Variants in DOCK5 observed in about 807,000 individuals in gnomAD.
DOCK5 encodes the protein dedicator of cytokinesis protein 5.
DOCK5 carries 142 observed loss-of-function variants against 251.8 expected under a neutral mutation model. The ratio of observed to expected loss-of-function variants is 0.56; its 90% CI spans 0.49 to 0.65. The LOEUF (loss-of-function observed/expected upper bound fraction) is 0.65, where lower values mean the gene tolerates loss of function less well. DOCK5 is among the 30% of genes least tolerant of loss of function. The probability of loss-of-function intolerance (pLI) is 0.00; values close to 1 mark genes in which losing one functional copy is unlikely to be tolerated. For synonymous variants in DOCK5, 842 were observed against 835.5 expected (o/e 1.01, Z -0.13); for missense variants, 2,111 against 2,312.3 (o/e 0.91, Z 1.79).
At chr8:25,307,003 A>G (rs1453268057) in intron 11 of DOCK5, among the ~76,000 whole-genome samples, 2 of 152,240 alleles carry the variant, frequency 1.3e-5, no homozygotes, top group African/African-American at 4.8e-5. Flanking sequence ...CAGTTGTAAC[A>G]CAGTGCTATT....
chr8:25,237,015 G>A (rs1449864928), intron 1 of DOCK5, among the ~76,000 whole-genome samples: 2 of 152,036 alleles, frequency 1.3e-5, no homozygotes, highest in Admixed American at 6.6e-5. Context: ...ATATAATGTA[G>A]CTATTCTTCA....
rs117028861 is a variant in DOCK5, at chr8:25,377,616, A to C, written c.3936+192A>C. Among the ~76,000 whole-genome samples, 16 of 152,338 alleles carry C rather than the reference A, an allele frequency of 1.1e-4. No homozygotes were observed. The East Asian group carries it at 3.1e-3, about 29-fold the overall frequency. Reference sequence around the variant, plus strand: ...CCCCAGTCCATTCACAGTTCTGGGCAACTGGGTATACATCTGGGGGGCTTC... The same window carrying C: ...CCCCAGTCCATTCACAGTTCTGGGCCACTGGGTATACATCTGGGGGGCTTC... On this transcript the variant is annotated intron_variant, in intron 38 of 51. Coordinates refer to ENST00000276440, the MANE Select transcript of DOCK5 (RefSeq NM_024940.8).
chr8:25,283,676 C>T (rs1446061868), intron 5 of DOCK5, among the ~76,000 whole-genome samples: 1 of 152,128 alleles, frequency 6.6e-6, no homozygotes, highest in Non-Finnish European at 1.5e-5. Context: ...TTCTGTATGG[C>T]CCCTTATCCA....
intron 1 of DOCK5, among the ~76,000 whole-genome samples, chr8:25,193,411 C>T (rs956243599): frequency 1.4e-5 from 2 of 148,096 alleles, no homozygotes; most frequent in Middle Eastern, 3.5e-3. Flanking sequence ...GGTACTTAGA[C>T]AGCACTGTAG....
chr8:25,368,278 A>C, intron 32 of DOCK5, 28 bp downstream of exon 32: 1 of 1,596,896 alleles, frequency 6.3e-7, no homozygotes, highest in South Asian at 1.1e-5. Flanking sequence ...AACAGGCCTG[A>C]TCACAACCTC....
chr8:25,373,801 A>C, intron 36 of DOCK5, 143 bp downstream of exon 36: 2 of 726,884 alleles, frequency 2.8e-6, no homozygotes, highest in Non-Finnish European at 4.5e-6. Context: ...ATTCACCCTG[A>C]ACCGACAAAC....
intron 21 of DOCK5, among the ~76,000 whole-genome samples, chr8:25,335,745 C>T (rs76883337): frequency 0.011 from 1,646 of 152,186 alleles, 12 homozygotes; most frequent in Non-Finnish European, 0.018. Flanking sequence ...TGCTTAGAAC[C>T]ATGAATGTTC....
chr8:25,409,868 T>C (rs1230950691), intron 50 of DOCK5: 4 of 412,668 alleles, frequency 9.7e-6, no homozygotes, highest in Non-Finnish European at 1.7e-5. Flanking sequence ...ATAAAAAAAA[T>C]AAAGTTTTTG....
At chr8:25,241,408 G>A (rs2117541732) in intron 1 of DOCK5, among the ~76,000 whole-genome samples, 1 of 152,140 alleles carries the variant, frequency 6.6e-6, no homozygotes, top group South Asian at 2.1e-4. Flanking sequence ...AACTCAGGAG[G>A]TGGAGGTTGC....
intron 1 of DOCK5, among the ~76,000 whole-genome samples, chr8:25,188,127 T>C (rs2117434183): frequency 6.6e-6 from 1 of 152,218 alleles, no homozygotes; most frequent in East Asian, 1.9e-4. Context: ...AGTTTTTTCC[T>C]CTTCTTTTTC....
At chr8:25,400,047 C>A in intron 46 of DOCK5, 53 bp downstream of exon 46, 2 of 1,435,982 alleles carry the variant, frequency 1.4e-6, no homozygotes, top group Non-Finnish European at 1.9e-6. Context: ...GTGGGACACC[C>A]ATTATTCTCC....
intron 22 of DOCK5, among the ~76,000 whole-genome samples, chr8:25,340,567 T>C (rs1805927158): frequency 1.3e-5 from 2 of 152,338 alleles, no homozygotes; most frequent in East Asian, 1.9e-4. Flanking sequence ...AAGGCAAGCA[T>C]GTATCAGCGA....
intron 1 of DOCK5, among the ~76,000 whole-genome samples, chr8:25,205,968 C>T (rs1801990465): frequency 6.6e-6 from 1 of 152,094 alleles, no homozygotes; most frequent in Non-Finnish European, 1.5e-5. Flanking sequence ...AAGTATAAAG[C>T]CATAAATAAC....
intron 40 of DOCK5, among the ~76,000 whole-genome samples, chr8:25,386,936 TA>T (rs1801175425): frequency 1.3e-5 from 2 of 152,346 alleles, no homozygotes; most frequent in Admixed American, 6.5e-5. Flanking sequence ...AGAATTAAGT[TA>T]ATAGCATATA....
chr8:25,234,449 T>G (rs1402018836), intron 1 of DOCK5, among the ~76,000 whole-genome samples: 1 of 152,222 alleles, frequency 6.6e-6, no homozygotes, highest in Non-Finnish European at 1.5e-5. Context: ...GGCTGGGTAG[T>G]GAGCTGTTTT....
chr8:25,320,929 C>A, intron 15 of DOCK5, 51 bp from the exon 16 acceptor site: 1 of 1,515,632 alleles, frequency 6.6e-7, no homozygotes, highest in Non-Finnish European at 9.1e-7. Flanking sequence ...ATAAACCATG[C>A]TTGCAAAGTA....
At chr8:25,233,020 A>G (rs555479416) in intron 1 of DOCK5, among the ~76,000 whole-genome samples, 2 of 152,096 alleles carry the variant, frequency 1.3e-5, no homozygotes, top group East Asian at 1.9e-4. Flanking sequence ...AACCTTCTAC[A>G]CATCTCTAGC....
At chr8:25,195,423 A>G (rs1801698695) in intron 1 of DOCK5, among the ~76,000 whole-genome samples, 1 of 152,052 alleles carries the variant, frequency 6.6e-6, no homozygotes, top group South Asian at 2.1e-4. Flanking sequence ...AGAACCTGAC[A>G]TTGCCACCTC....
chr8:25,375,971 G>C (rs77641692), intron 37 of DOCK5: 3 of 728,860 alleles, frequency 4.1e-6, no homozygotes, highest in African/African-American at 1.9e-5. Context: ...GGTGGCACCT[G>C]CCTGTAGTCC....
Sources: gnomAD v4.1 joint callset for allele counts (sites outside exome capture counted in the v4.1 genomes callset) on GRCh38, gnomAD v4.1.1 for gene constraint, MANE v1.5 for transcripts, NCBI Gene and HGNC (gene_info 2026-07-23, HGNC 2026-07-21) for gene names.